CSMD1: variants seen among roughly 807,000 people sequenced by gnomAD.
CSMD1 encodes CUB and Sushi multiple domains 1, also known as CUB and sushi domain-containing protein 1.
In CSMD1, 213 loss-of-function variants were observed where a neutral mutation model predicts 417.5. The ratio of observed to expected loss-of-function variants is 0.51; its 90% CI spans 0.46 to 0.57. The LOEUF (loss-of-function observed/expected upper bound fraction) is 0.57. Among genes scored for constraint, CSMD1 ranks in the 20% least tolerant of loss-of-function variants. The pLI, the probability that CSMD1 is intolerant of heterozygous loss-of-function variation, is 0.00. For synonymous variants in CSMD1, 2,862 were observed against 1,736.8 expected (o/e 1.65, Z -16.11); for missense variants, 6,923 against 4,529.7 (o/e 1.53, Z -15.17).
chr8:3,554,859 G>C (rs1260798596), intron 10 of CSMD1, among the ~76,000 whole-genome samples: 1 of 152,150 alleles, frequency 6.6e-6, no homozygotes, highest in African/African-American at 2.4e-5. Flanking sequence ...ACAGCCAGCA[G>C]GCAGGGAGCC....
intron 1 of CSMD1, among the ~76,000 whole-genome samples, chr8:4,647,217 C>T (rs184443439): frequency 9.3e-5 from 14 of 150,630 alleles, no homozygotes; most frequent in Middle Eastern, 3.5e-3. Context: ...GTGTTTCGGG[C>T]GCCAGTTTGC....
At chr8:4,566,157 A>G (rs1213600628) in intron 2 of CSMD1, among the ~76,000 whole-genome samples, 1 of 152,176 alleles carries the variant, frequency 6.6e-6, no homozygotes, top group African/African-American at 2.4e-5. Context: ...GCATCTTGCT[A>G]TCAGCACTGA....
intron 7 of CSMD1, among the ~76,000 whole-genome samples, chr8:3,648,697 C>G (rs1464385282): frequency 2.6e-5 from 4 of 152,158 alleles, no homozygotes; most frequent in Non-Finnish European, 2.9e-5. Context: ...TAAAAATGGT[C>G]TAAAAAGTGC....
In CSMD1 at chr8:4,044,290, CAG is replaced by C. The variant is rs560210374; in HGVS notation, c.416-12193_416-12192del. On this transcript the variant is annotated intron_variant, in intron 3 of 69. Transcript: ENST00000635120. ...AAATATAAAAATGGCAAAGGAAAAACAGAGAAATCATCTCTGAAAATTGATGC... is the reference window on the plus strand; with the variant it reads ...AAATATAAAAATGGCAAAGGAAAAACAGAAATCATCTCTGAAAATTGATGC... 4.5e-3 allele frequency among the ~76,000 whole-genome samples: 682 copies of C among 152,240 alleles called. 4 individuals carry two copies. Among genetic ancestry groups the C allele is most frequent in the South Asian group, 0.022 (105 of 4,822 alleles).
intron 36 of CSMD1, among the ~76,000 whole-genome samples, chr8:3,184,261 T>C (rs1247983597): frequency 6.6e-6 from 1 of 152,182 alleles, no homozygotes; most frequent in African/African-American, 2.4e-5. Context: ...TTTCCCAAAC[T>C]AAGCCACTCA....
intron 3 of CSMD1, among the ~76,000 whole-genome samples, chr8:4,033,350 G>C (rs916412750): frequency 6.6e-6 from 1 of 152,120 alleles, no homozygotes; most frequent in Non-Finnish European, 1.5e-5. Context: ...GCTGAGGCAG[G>C]AGAATGGCGT....
chr8:4,109,744 A>G (rs1472823018), intron 3 of CSMD1, among the ~76,000 whole-genome samples: 1 of 152,156 alleles, frequency 6.6e-6, no homozygotes, highest in Non-Finnish European at 1.5e-5. Flanking sequence ...CTTATTTTTA[A>G]AGTGTCATGT....
chr8:3,782,937 G>C lies in CSMD1; in HGVS notation c.819-28895C>G, dbSNP rs988820918. Among the ~76,000 whole-genome samples, 7 of 152,132 alleles carry C rather than the reference G, an allele frequency of 4.6e-5. No individual in the cohort carries two copies. In the East Asian group the frequency reaches 9.6e-4, roughly 21 times the overall value. ...AACTGTGGTTAAAAATACATGGCAA[G>C]AGATCTAGCCTCTAAACCAAATTGT... On this transcript the variant is annotated intron_variant, in intron 5 of 69. Coordinates refer to ENST00000635120, the MANE Select transcript of CSMD1 (RefSeq NM_033225.6).
intron 5 of CSMD1, among the ~76,000 whole-genome samples, chr8:3,866,064 C>G (rs1295500006): frequency 6.6e-6 from 1 of 152,110 alleles, no homozygotes; most frequent in African/African-American, 2.4e-5. Flanking sequence ...AGTAAAATGT[C>G]TTTAAAAATT....
chr8:4,832,580 G>C (rs1198015081), intron 1 of CSMD1, among the ~76,000 whole-genome samples: 2 of 152,192 alleles, frequency 1.3e-5, no homozygotes, highest in African/African-American at 2.4e-5. Flanking sequence ...TTGTCTGCTT[G>C]TGGTTAAAAT....
intron 1 of CSMD1, among the ~76,000 whole-genome samples, chr8:4,653,929 T>C (rs1804066699): frequency 6.6e-6 from 1 of 152,082 alleles, no homozygotes; most frequent in South Asian, 2.1e-4. Flanking sequence ...TTAACCAAAG[T>C]ATAATATCAC....
chr8:3,809,060 C>T (rs11774223), intron 5 of CSMD1, among the ~76,000 whole-genome samples: 31,476 of 152,050 alleles, frequency 0.21, 4,004 homozygotes, highest in Non-Finnish European at 0.27. Context: ...CCAACAGCCC[C>T]TGGGGAATCA....
intron 3 of CSMD1, among the ~76,000 whole-genome samples, chr8:4,308,228 A>G (rs1798356071): frequency 6.6e-6 from 1 of 152,044 alleles, no homozygotes; most frequent in African/African-American, 2.4e-5. Flanking sequence ...TGTGTGTGGT[A>G]TGCAGTCATG....
intron 1 of CSMD1, among the ~76,000 whole-genome samples, chr8:4,722,845 C>A (rs1368099121): frequency 3.9e-5 from 6 of 152,094 alleles, no homozygotes; most frequent in Non-Finnish European, 8.8e-5. Context: ...ACTGGAATGA[C>A]ACTGCTTTAG....
At chr8:3,959,475 G>C (rs1038412680) in intron 5 of CSMD1, among the ~76,000 whole-genome samples, 6 of 152,190 alleles carry the variant, frequency 3.9e-5, no homozygotes, top group African/African-American at 7.2e-5. Flanking sequence ...CTCCAGACTG[G>C]ATGACTGAGC....
intron 1 of CSMD1, among the ~76,000 whole-genome samples, chr8:4,949,676 C>T (rs973488524): frequency 1.3e-5 from 2 of 152,154 alleles, no homozygotes; most frequent in South Asian, 2.1e-4. Context: ...CTGAGAAATA[C>T]TGCATTAGTT....
intron 3 of CSMD1, among the ~76,000 whole-genome samples, chr8:4,092,942 T>C (rs1199096567): frequency 6.6e-6 from 1 of 152,200 alleles, no homozygotes; most frequent in Non-Finnish European, 1.5e-5. Flanking sequence ...CCTTTATTAC[T>C]CTTCCTGTCA....
chr8:3,986,632 C>T (rs1013905285), intron 5 of CSMD1, among the ~76,000 whole-genome samples: 1 of 152,078 alleles, frequency 6.6e-6, no homozygotes, highest in African/African-American at 2.4e-5. Flanking sequence ...CATGATTTTC[C>T]TAAAGTACTG....
chr8:3,042,934 G>GTACA (rs1200561103), intron 50 of CSMD1, among the ~76,000 whole-genome samples: 1 of 150,854 alleles, frequency 6.6e-6, no homozygotes. Context: ...TATATATATA[G>GTACA]TATATATAGT....
Sources: allele counts gnomAD v4.1 joint callset (sites outside exome capture counted in the v4.1 genomes callset), GRCh38; gene constraint gnomAD v4.1.1; transcripts MANE v1.5; gene names NCBI Gene and HGNC (gene_info 2026-07-23, HGNC 2026-07-21).